Variants in TMCC1 observed in about 807,000 individuals in gnomAD.
TMCC1 encodes transmembrane and coiled-coil domain family 1, also known as transmembrane and coiled-coil domains protein 1.
In TMCC1, 15 loss-of-function variants were observed where a neutral mutation model predicts 52.4. The ratio of observed to expected loss-of-function variants is 0.29; its 90% confidence interval spans 0.19 to 0.44. The LOEUF is 0.44. Ranked by LOEUF, TMCC1 falls within the 20% of genes least tolerant of loss-of-function variation. The pLI, the probability that TMCC1 is intolerant of heterozygous loss-of-function variation, is 1.00. For synonymous variants in TMCC1, 279 were observed against 301.9 expected, an observed-to-expected ratio of 0.92 and a Z score of 0.79; for missense variants, 503 against 806.0, an observed-to-expected ratio of 0.62 and a Z score of 4.55.
chr3:129,849,985 A>C (rs1479213116), intron 2 of TMCC1, among the ~76,000 whole-genome samples: 1 of 151,806 alleles, frequency 6.6e-6, no homozygotes, highest in African/African-American at 2.4e-5. Flanking sequence ...TGTGAATTCT[A>C]TTTCAATTAA....
chr3:129,863,098 G>T (rs896335296), intron 2 of TMCC1, among the ~76,000 whole-genome samples: 5 of 152,146 alleles, frequency 3.3e-5, no homozygotes, highest in African/African-American at 7.2e-5. Context: ...ATACTGACTG[G>T]AAAGGGACAT....
chr3:129,826,276 TG>T (rs1449189680), intron 4 of TMCC1, among the ~76,000 whole-genome samples: 1 of 149,894 alleles, frequency 6.7e-6, no homozygotes, highest in Admixed American at 6.7e-5. Flanking sequence ...CTGAGGTGGA[TG>T]GATCACTTGA....
At chr3:129,761,490 C>A (rs1256404731) in intron 4 of TMCC1, among the ~76,000 whole-genome samples, 1 of 152,056 alleles carries the variant, frequency 6.6e-6, no homozygotes, top group Admixed American at 6.5e-5. Context: ...CTCACTGCAG[C>A]CTCAACTTTC....
chr3:129,731,782 G>C (rs1302391511), intron 4 of TMCC1, among the ~76,000 whole-genome samples: 2 of 151,864 alleles, frequency 1.3e-5, no homozygotes, highest in African/African-American at 4.8e-5. Context: ...CCCCAAGCCC[G>C]GCTAGTTTTT....
intron 4 of TMCC1, among the ~76,000 whole-genome samples, chr3:129,746,227 G>A (rs906155005): frequency 2.0e-5 from 3 of 151,988 alleles, no homozygotes; most frequent in East Asian, 1.9e-4. Context: ...CTGGAGTGCA[G>A]TGGCGTGATC....
chr3:129,676,710 C>G (rs563881535), intron 4 of TMCC1, among the ~76,000 whole-genome samples: 74 of 152,282 alleles, frequency 4.9e-4, no homozygotes, highest in East Asian at 2.9e-3. Flanking sequence ...AATAAGAAGA[C>G]CTAGGTTCAA....
intron 4 of TMCC1, among the ~76,000 whole-genome samples, chr3:129,812,009 T>C (rs1043248283): frequency 2.0e-5 from 3 of 150,472 alleles, no homozygotes; most frequent in Non-Finnish European, 4.4e-5. Flanking sequence ...TCAATACTCT[T>C]AGATTCATTA....
rs529821052 is a variant in TMCC1 at position 129,799,672 on chromosome 3, C to T, written c.576+28131G>A. On this transcript the variant is annotated intron_variant, in intron 4 of 6. Transcript: ENST00000393238. ...AAAAATACAAAAAAAATTGGCTGGG[C>T]GTGGTGGTGGGCACCTGTGGTCCCA... 5.5e-4 allele frequency among the ~76,000 whole-genome samples: 84 copies of T among 152,002 alleles called. No homozygotes were observed. The South Asian group carries it at 0.016, about 29-fold the overall frequency.
At chr3:129,869,491 A>G (rs1328589284) in intron 2 of TMCC1, among the ~76,000 whole-genome samples, 1 of 152,192 alleles carries the variant, frequency 6.6e-6, no homozygotes, top group Non-Finnish European at 1.5e-5. Flanking sequence ...GGGTGGCCCA[A>G]GACTTGTGAC....
intron 4 of TMCC1, among the ~76,000 whole-genome samples, chr3:129,705,210 CG>C (rs1299911653): frequency 2.0e-5 from 3 of 152,052 alleles, no homozygotes; most frequent in Admixed American, 2.0e-4. Flanking sequence ...TAGTGAGGAA[CG>C]AAAAGGAGGA....
At chr3:129,720,574 C>T (rs2049494458) in intron 4 of TMCC1, among the ~76,000 whole-genome samples, 1 of 152,192 alleles carries the variant, frequency 6.6e-6, no homozygotes, top group African/African-American at 2.4e-5. Context: ...CATCTAGGTC[C>T]ACCTGAGCCC....
intron 4 of TMCC1, among the ~76,000 whole-genome samples, chr3:129,789,135 T>C (rs1398864717): frequency 1.3e-5 from 2 of 152,230 alleles, no homozygotes; most frequent in Non-Finnish European, 2.9e-5. Flanking sequence ...GTACTGACTC[T>C]ACCTATGCAT....
chr3:129,790,022 G>T (rs2056343423), intron 4 of TMCC1, among the ~76,000 whole-genome samples: 1 of 152,110 alleles, frequency 6.6e-6, no homozygotes, highest in African/African-American at 2.4e-5. Context: ...TTACCTTCAT[G>T]TTTTTTCACC....
At chr3:129,676,036 C>CAAAAAAAAAAAA (rs61105005) in intron 4 of TMCC1, among the ~76,000 whole-genome samples, 1 of 46,318 alleles carries the variant, frequency 2.2e-5, no homozygotes, top group Non-Finnish European at 4.4e-5. Context: ...GACTCTGTCT[C>CAAAAAAAAAAAA]AAAAAAAAAA....
At chr3:129,694,319 T>C (rs182405131) in intron 4 of TMCC1, among the ~76,000 whole-genome samples, 3 of 152,378 alleles carry the variant, frequency 2.0e-5, no homozygotes, top group African/African-American at 2.4e-5. Context: ...TTTGCAAAGA[T>C]AGTTCAAGGA....
chr3:129,659,499 T>C (rs1241924379), intron 5 of TMCC1, among the ~76,000 whole-genome samples: 5 of 152,144 alleles, frequency 3.3e-5, no homozygotes, highest in South Asian at 2.1e-4. Flanking sequence ...GTACACAAAA[T>C]AGTGGTAATT....
At chr3:129,674,771 G>C (rs2088258056) in intron 4 of TMCC1, among the ~76,000 whole-genome samples, 1 of 152,234 alleles carries the variant, frequency 6.6e-6, no homozygotes, top group Non-Finnish European at 1.5e-5. Flanking sequence ...CAACTGAAAA[G>C]TGGTTCCCTT....
At chr3:129,802,291 T>C (rs1335223842) in intron 4 of TMCC1, among the ~76,000 whole-genome samples, 2 of 152,196 alleles carry the variant, frequency 1.3e-5, no homozygotes, top group African/African-American at 4.8e-5. Context: ...ACACCTATGA[T>C]TCCCTTTTAT....
In TMCC1 at chr3:129,828,218, T is replaced by A. The variant is rs775705464; in HGVS notation, c.161A>T (p.His54Leu). The change falls in exon 4 of 7, where the codon CAT becomes CTT. Residue 54 changes from histidine to leucine, a missense_variant. By Grantham distance (99) the His-to-Leu change is moderately conservative (BLOSUM62 -3). Coordinates refer to ENST00000393238, the MANE Select transcript of TMCC1 (RefSeq NM_001017395.5). The surrounding 1 kb of genome is among the most constrained non-coding windows in gnomAD (Gnocchi z 4.1). ...CCTCCTGCGCTGGTGCTGGAAGAGA[T>A]GCTTCAAGCCTTGGCCAATCACGTT... ...NINVIGQGLK[H>L]LFQHQRRRSS... 2 of 1,614,178 alleles carry A rather than the reference T, an allele frequency of 1.2e-6. No homozygotes were observed. Among genetic ancestry groups the A allele is most frequent in the Non-Finnish European group, 1.7e-6 (2 of 1,180,034 alleles).
Sources: allele counts gnomAD v4.1 joint callset (sites outside exome capture counted in the v4.1 genomes callset), GRCh38; gene constraint gnomAD v4.1.1; non-coding constraint Gnocchi (gnomAD v3.1); transcripts MANE v1.5; gene names NCBI Gene and HGNC (gene_info 2026-07-23, HGNC 2026-07-21).